Variants in MPDZ observed in about 807,000 individuals in gnomAD.
MPDZ encodes the protein multiple PDZ domain crumbs cell polarity complex component.
In MPDZ, 234 loss-of-function variants were observed where a neutral mutation model predicts 239.1. The observed-to-expected ratio is 0.98, with a 90% CI of 0.88 to 1.09. The LOEUF is 1.09. Ranked by LOEUF, MPDZ falls within the 50% of genes least tolerant of loss-of-function variation. The pLI, the probability that MPDZ is intolerant of heterozygous loss-of-function variation, is 0.00. For synonymous variants in MPDZ, 1,048 were observed against 881.3 expected (o/e 1.19, Z -3.35); for missense variants, 3,175 against 2,510.0 (o/e 1.26, Z -5.66).
chr9:13,194,158 T>C (rs568993194), intron 13 of MPDZ, among the ~76,000 whole-genome samples: 3 of 152,284 alleles, frequency 2.0e-5, no homozygotes, highest in Non-Finnish European at 2.9e-5. Context: ...TATCGCTACA[T>C]AGCAAACAAT....
Position 13,113,038 on chromosome 9 carries a change from C to A in MPDZ, c.5574G>T (p.Gln1858His). 1 of 1,584,616 alleles carries A rather than the reference C, an allele frequency of 6.3e-7. No individual in the cohort carries two copies. Residue 1858 changes from glutamine (Q) to histidine (H), a missense_variant, in exon 42 of 47, where the codon CAG becomes CAT. Coordinates refer to ENST00000319217, the MANE Select transcript of MPDZ (RefSeq NM_001378778.1). The stretch of plus-strand genomic sequence containing the variant: ...TTTTCATTTCGACTGTTCTTAATCC[C>A]TGTATTTCAGATGCCACTGTAAAGG... ...SKKNALASEI[Q>H]GLRTVEMKKG...
chr9:13,228,976 C>G (rs894363743), intron 3 of MPDZ, among the ~76,000 whole-genome samples: 2 of 152,008 alleles, frequency 1.3e-5, no homozygotes, highest in African/African-American at 4.8e-5. Flanking sequence ...CTGTTTAGTG[C>G]CCTGGGTATC....
chr9:13,133,333 T>A (rs1946277158), intron 32 of MPDZ, among the ~76,000 whole-genome samples: 1 of 152,162 alleles, frequency 6.6e-6, no homozygotes, highest in South Asian at 2.1e-4. Context: ...ACAATAATAG[T>A]CCATGATAAA....
intron 2 of MPDZ, among the ~76,000 whole-genome samples, chr9:13,248,976 C>CAAAAAAAAAAAAAAAAAAAAAAAAAAA (rs71331534): frequency 1.4e-4 from 5 of 35,820 alleles, no homozygotes; most frequent in Non-Finnish European, 2.0e-4. Context: ...GACTCCATCT[C>CAAAAAAAAAAAAAAAAAAAAAAAAAAA]AAAAAAAAAA....
intron 10 of MPDZ, among the ~76,000 whole-genome samples, chr9:13,212,950 C>T (rs971370058): frequency 6.6e-6 from 1 of 152,020 alleles, no homozygotes; most frequent in Non-Finnish European, 1.5e-5. Context: ...GCCAGGGCCT[C>T]CTCCAACATA....
At chr9:13,146,394 T>G (rs1948439392) in intron 26 of MPDZ, among the ~76,000 whole-genome samples, 1 of 152,092 alleles carries the variant, frequency 6.6e-6, no homozygotes, top group African/African-American at 2.4e-5. Context: ...TCTTAAATTC[T>G]TAATTTCACA....
chr9:13,198,755 G>C (rs1261017135), intron 12 of MPDZ, among the ~76,000 whole-genome samples: 5 of 148,418 alleles, frequency 3.4e-5, no homozygotes, highest in South Asian at 2.2e-4. Context: ...GTGTGTGTGT[G>C]TGTGTGTGTG....
rs557247813 is a variant in MPDZ at position 13,192,330 on chromosome 9, C to T, written c.1804-35G>A. The T allele has an allele frequency of 7.2e-6, 11 of 1,528,472 alleles. No individual in the cohort carries two copies. The African/African-American group carries it at 1.4e-4, about 19-fold the overall frequency. 94.7% of individuals were successfully genotyped at this position (1,528,472 alleles called of 1,614,324 possible). ...AAGATACATTGTCCAACAAACAACA[C>T]TTCATAATATGAACATTCTTTTGAA... On this transcript the variant is annotated intron_variant, in intron 14 of 46. Coordinates refer to ENST00000319217, the MANE Select transcript of MPDZ (RefSeq NM_001378778.1).
intron 3 of MPDZ, among the ~76,000 whole-genome samples, chr9:13,233,390 A>G (rs13295040): frequency 6.6e-6 from 1 of 152,144 alleles, no homozygotes; most frequent in African/African-American, 2.4e-5. Context: ...AGACACAAAG[A>G]CAAGACAAAG....
At chr9:13,237,740 T>C (rs1018019238) in intron 3 of MPDZ, among the ~76,000 whole-genome samples, 3 of 152,142 alleles carry the variant, frequency 2.0e-5, no homozygotes, top group Admixed American at 1.3e-4. Context: ...AAGTGAAAAT[T>C]AGAATTTTAG....
chr9:13,276,771 C>A (rs543187480), intron 1 of MPDZ: 1 of 152,280 alleles, frequency 6.6e-6, no homozygotes, highest in East Asian at 1.9e-4. Context: ...TGCAACTCAA[C>A]CTGAGAGAGA....
rs1477057843 is a variant in MPDZ at position 13,136,108 on chromosome 9, T to C, written c.4367A>G (p.Asn1456Ser). 2 of 1,609,906 alleles carry C rather than the reference T, an allele frequency of 1.2e-6. No homozygotes were observed. The highest frequency in any genetic ancestry group is 1.7e-6 in the Non-Finnish European group (2 of 1,177,076). The part of the protein sequence containing the change: ...AVEPLPSNSE[N>S]LQNKETEPTV... ...TACATATACCTCCTTATTTTGAAGA[T>C]TTTCTGAGTTAGAAGGCAAAGGTTC... Residue 1456 changes from asparagine (N) to serine (S), a missense_variant, in exon 31 of 47, where the codon AAT becomes AGT. By Grantham distance (46) the Asn-to-Ser change is conservative. Transcript: ENST00000319217.
intron 1 of MPDZ, among the ~76,000 whole-genome samples, chr9:13,267,162 T>C (rs1971965194): frequency 6.6e-6 from 1 of 152,258 alleles, no homozygotes; most frequent in Non-Finnish European, 1.5e-5. Context: ...AAGAATTGAC[T>C]GCTATCGCAT....
At chr9:13,161,198 T>A (rs1950443819) in intron 23 of MPDZ, among the ~76,000 whole-genome samples, 1 of 151,978 alleles carries the variant, frequency 6.6e-6, no homozygotes, top group South Asian at 2.1e-4. Context: ...TGCAGAGGAA[T>A]CAGTGAAGCA....
At chr9:13,145,676 A>C (rs536332554) in intron 26 of MPDZ, among the ~76,000 whole-genome samples, 2 of 152,168 alleles carry the variant, frequency 1.3e-5, no homozygotes, top group South Asian at 4.1e-4. Flanking sequence ...TGACTTGACT[A>C]AACATGTCAT....
intron 10 of MPDZ, among the ~76,000 whole-genome samples, chr9:13,211,936 C>T (rs1167292453): frequency 1.3e-5 from 2 of 151,656 alleles, no homozygotes; most frequent in Non-Finnish European, 2.9e-5. Context: ...ACCTTAAAGA[C>T]AAAAATTAAT....
At chr9:13,229,682 A>G (rs1478123881) in intron 3 of MPDZ, among the ~76,000 whole-genome samples, 1 of 152,026 alleles carries the variant, frequency 6.6e-6, no homozygotes, top group Non-Finnish European at 1.5e-5. Context: ...CAGAAAAAAA[A>G]TTAAATCTCA....
At chr9:13,259,296 C>G (rs897899949) in intron 1 of MPDZ, among the ~76,000 whole-genome samples, 1 of 151,776 alleles carries the variant, frequency 6.6e-6, no homozygotes, top group African/African-American at 2.4e-5. Context: ...ATCGAGCCAC[C>G]ACACTCCAGC....
intron 39 of MPDZ, among the ~76,000 whole-genome samples, chr9:13,118,769 T>A (rs1815412584): frequency 6.6e-6 from 1 of 152,260 alleles, no homozygotes. Flanking sequence ...TACAATTAAT[T>A]CATTTTTAAA....
Sources: gnomAD v4.1 joint callset for allele counts (sites outside exome capture counted in the v4.1 genomes callset) on GRCh38, gnomAD v4.1.1 for gene constraint, MANE v1.5 for transcripts, NCBI Gene and HGNC (gene_info 2026-07-23, HGNC 2026-07-21) for gene names.